Variants in AK3 observed in about 807,000 individuals in gnomAD.
AK3 encodes adenylate kinase 3, also known as GTP:AMP phosphotransferase AK3, mitochondrial.
AK3 carries 27 observed loss-of-function variants against 23.7 expected under a neutral mutation model. The ratio of observed to expected loss-of-function variants is 1.14; its 90% CI spans 0.84 to 1.57. AK3 has a LOEUF of 1.57. Ranked by LOEUF, AK3 falls within the 40% of genes most tolerant of loss-of-function variation. The pLI, the probability that AK3 is intolerant of heterozygous loss-of-function variation, is 0.00. For missense variants in AK3, 406 were observed against 285.6 expected (o/e 1.42, Z -3.04); for synonymous variants, 159 against 116.0 (o/e 1.37, Z -2.38).
At position 4,709,797 on chromosome 9, in the gene AK3, A is replaced by T. The variant is rs1050591464; in HGVS notation, c.*3179T>A. The T allele has an allele frequency of 1.3e-5, 2 of 152,210 alleles. No homozygotes were observed. Among genetic ancestry groups the T allele is most frequent in the African/African-American group, 4.8e-5 (2 of 41,450 alleles). 9.4% of individuals were successfully genotyped at this position (152,210 alleles called of 1,614,324 possible). On this transcript the variant is annotated 3_prime_UTR_variant, in exon 5 of 5. Coordinates refer to ENST00000381809, the MANE Select transcript of AK3 (RefSeq NM_016282.4). ...GATAGAAAAGCTATTTCTACAGTTT[A>T]TCAGGGCCTGAGGATTTATTTTTAT...
upstream of AK3, chr9:4,741,344 G>GCCGCT (rs1563803502): frequency 4.6e-5 from 6 of 129,130 alleles, no homozygotes; most frequent in African/African-American, 2.0e-4. Flanking sequence ...GCCCAGCCGC[G>GCCGCT]CAAGCCGCGC....
At chr9:4,732,803 T>C (rs1008226155) in intron 1 of AK3, among the ~76,000 whole-genome samples, 4 of 152,034 alleles carry the variant, frequency 2.6e-5, no homozygotes, top group African/African-American at 9.7e-5. Flanking sequence ...AAACTTACTG[T>C]TTGAGCAGTT....
intron 4 of AK3, among the ~76,000 whole-genome samples, chr9:4,717,235 G>A (rs758372756): frequency 3.3e-5 from 5 of 152,238 alleles, no homozygotes; most frequent in Non-Finnish European, 7.4e-5. Flanking sequence ...CCCTGATCAG[G>A]ATCAGTATTC....
At chr9:4,736,790 G>C (rs910706693) in intron 1 of AK3, among the ~76,000 whole-genome samples, 1 of 151,778 alleles carries the variant, frequency 6.6e-6, no homozygotes, top group African/African-American at 2.4e-5. Flanking sequence ...CAATCCTCTC[G>C]CCTCAGCCTC....
At chr9:4,733,766 G>T (rs978695981) in intron 1 of AK3, among the ~76,000 whole-genome samples, 1 of 151,878 alleles carries the variant, frequency 6.6e-6, no homozygotes, top group Admixed American at 6.6e-5. Flanking sequence ...CTCCCCATTG[G>T]CACTTCACCC....
At chr9:4,741,917 C>T (rs776660499), upstream of AK3, 1 of 151,726 alleles carries the variant, frequency 6.6e-6, no homozygotes, top group Non-Finnish European at 1.5e-5. Context: ...CCCTCTCTTC[C>T]CACTCCCTCT....
rs750272249 is a variant in AK3, at chr9:4,712,946, C to G, written c.*30G>C. ...TGCAAGGACTAGGAGGTTTGCCCAT[C>G]TTACTATTAATAGTTACACACATTT... On this transcript the variant is annotated 3_prime_UTR_variant, in exon 5 of 5. Coordinates refer to ENST00000381809, the MANE Select transcript of AK3 (RefSeq NM_016282.4). The G allele has an allele frequency of 1.2e-6, 2 of 1,605,482 alleles. No homozygotes were observed. The highest frequency in any genetic ancestry group is 4.5e-5 in the East Asian group (2 of 44,746).
chr9:4,715,216 CAAA>C (rs1237615381), intron 4 of AK3, among the ~76,000 whole-genome samples: 2 of 56,982 alleles, frequency 3.5e-5, no homozygotes, highest in Non-Finnish European at 3.4e-5. Flanking sequence ...GACTCCGTCT[CAAA>C]AAAAAAAAAA....
chr9:4,730,683 T>C (rs748813822), intron 1 of AK3, among the ~76,000 whole-genome samples: 1 of 152,214 alleles, frequency 6.6e-6, no homozygotes, highest in Non-Finnish European at 1.5e-5. Flanking sequence ...TGTAGTCTAA[T>C]AATCTGTTTT....
In AK3 at chr9:4,719,122, A is replaced by G. The variant is rs1841819597; in HGVS notation, c.444+13T>C. ...ACAGTCTGCTATGTGACAGTTCCAC[A>G]ACAACTACTCACCACAGTTTTGGGA... On this transcript the variant is annotated intron_variant, in intron 3 of 4. Coordinates refer to ENST00000381809, the MANE Select transcript of AK3 (RefSeq NM_016282.4). 2 of 1,611,656 alleles carry G rather than the reference A, an allele frequency of 1.2e-6. No homozygotes were observed. The highest frequency in any genetic ancestry group is 1.3e-5 in the African/African-American group (1 of 74,780).
intron 1 of AK3, among the ~76,000 whole-genome samples, chr9:4,731,883 C>A (rs919616148): frequency 2.0e-5 from 3 of 152,270 alleles, no homozygotes; most frequent in African/African-American, 7.2e-5. Flanking sequence ...GACATGAAGA[C>A]AATGGGGATG....
At chr9:4,719,601 A>T (rs954003112) in intron 2 of AK3, among the ~76,000 whole-genome samples, 3 of 152,174 alleles carry the variant, frequency 2.0e-5, no homozygotes, top group Non-Finnish European at 2.9e-5. Context: ...GATAAAGTAC[A>T]TTGCCCTTCT....
intron 1 of AK3, among the ~76,000 whole-genome samples, chr9:4,739,282 C>T (rs113139472): frequency 0.019 from 2,848 of 151,640 alleles, 42 homozygotes; most frequent in African/African-American, 0.048. Context: ...CCTCCGCCTC[C>T]CAGGTTCAAG....
At chr9:4,732,928 C>G (rs920636781) in intron 1 of AK3, among the ~76,000 whole-genome samples, 1 of 150,766 alleles carries the variant, frequency 6.6e-6, no homozygotes, top group African/African-American at 2.4e-5. Flanking sequence ...TCACTGCAGT[C>G]TCAAACCCCT....
chr9:4,725,726 A>C (rs960111103), intron 1 of AK3, among the ~76,000 whole-genome samples: 4 of 152,250 alleles, frequency 2.6e-5, no homozygotes, highest in African/African-American at 9.6e-5. Flanking sequence ...AACTCTTACA[A>C]CTCAATTTTA....
At chr9:4,713,195 GGA>G (rs774126176) in intron 4 of AK3, 99 bp from the exon 5 acceptor site, 7 of 1,457,912 alleles carry the variant, frequency 4.8e-6, no homozygotes, top group Non-Finnish European at 6.4e-6. Flanking sequence ...TGTAGATATA[GGA>G]GTCTTGGTAA....
chr9:4,728,369 G>A (rs757253948), intron 1 of AK3, among the ~76,000 whole-genome samples: 12 of 151,818 alleles, frequency 7.9e-5, no homozygotes, highest in Non-Finnish European at 1.2e-4. Context: ...TCAGGAGTTC[G>A]AGACCAGCCT....
In AK3 at chr9:4,712,269, C is replaced by T. The variant is rs8525; in HGVS notation, c.*707G>A. On this transcript the variant is annotated 3_prime_UTR_variant, in exon 5 of 5. Transcript: ENST00000381809. ...AAAGCACTTATGTCAATTTTTGACACAAATCATAACCCTCAGTACACAGGT... is the reference window on the plus strand; with the variant it reads ...AAAGCACTTATGTCAATTTTTGACATAAATCATAACCCTCAGTACACAGGT... 1.3e-5 allele frequency: 2 copies of T among 152,062 alleles called. No individual in the cohort carries two copies. The highest frequency in any genetic ancestry group is 4.8e-5 in the African/African-American group (2 of 41,396). The allele number at this position is 152,062 out of a possible 1,614,324, so 9.4% of individuals were successfully genotyped here. A position where few individuals can be genotyped will look rare whatever the true frequency, so the allele number is the denominator to read the frequency against.
chr9:4,727,965 C>G (rs1842056331), intron 1 of AK3, among the ~76,000 whole-genome samples: 1 of 152,148 alleles, frequency 6.6e-6, no homozygotes, highest in African/African-American at 2.4e-5. Flanking sequence ...GTTAGTGGAA[C>G]AGTCAGAACA....
Sources: allele counts gnomAD v4.1 joint callset (sites outside exome capture counted in the v4.1 genomes callset), GRCh38; gene constraint gnomAD v4.1.1; transcripts MANE v1.5; gene names NCBI Gene and HGNC (gene_info 2026-07-23, HGNC 2026-07-21).